Variants in LINGO2 observed in about 807,000 individuals in gnomAD.
The protein encoded by LINGO2 is leucine-rich repeat and immunoglobulin-like domain-containing nogo receptor-interacting protein 2.
In LINGO2, 14 loss-of-function variants were observed where a neutral mutation model predicts 30.6. The observed-to-expected ratio is 0.46, with a 90% CI of 0.30 to 0.72. The LOEUF (loss-of-function observed/expected upper bound fraction) is 0.72. Ranked by LOEUF, LINGO2 falls within the 30% of genes least tolerant of loss-of-function variation. The pLI is 0.07. For synonymous variants in LINGO2, 317 were observed against 288.5 expected, an observed-to-expected ratio of 1.10 and a Z score of -1.00; for missense variants, 729 against 751.7, an observed-to-expected ratio of 0.97 and a Z score of 0.35.
the LINGO2 span, among the ~76,000 whole-genome samples, chr9:28,895,372 A>C: frequency 3.9e-5 from 6 of 152,152 alleles, no homozygotes; most frequent in African/African-American, 1.4e-4. Context: ...AAATGATCAC[A>C]AAAGATTGCA....
At chr9:28,933,913 T>C in the LINGO2 span, among the ~76,000 whole-genome samples, 780 of 152,326 alleles carry the variant, frequency 5.1e-3, 7 homozygotes, top group African/African-American at 0.018. Flanking sequence ...CAATTTATTA[T>C]GGAAGTGTAC....
At chr9:29,179,970 T>C in the LINGO2 span, among the ~76,000 whole-genome samples, 5 of 152,158 alleles carry the variant, frequency 3.3e-5, no homozygotes, top group African/African-American at 1.2e-4. Flanking sequence ...AGGGAGCAAC[T>C]CAGTTAAATA....
intron 5 of LINGO2, among the ~76,000 whole-genome samples, chr9:28,011,233 A>G (rs1467604090): frequency 1.3e-5 from 2 of 152,190 alleles, no homozygotes; most frequent in Non-Finnish European, 2.9e-5. Context: ...GTGACACGAC[A>G]CAAAAAATTG....
At chr9:28,959,645 C>CAGAG in the LINGO2 span, among the ~76,000 whole-genome samples, 888 of 149,950 alleles carry the variant, frequency 5.9e-3, 8 homozygotes, top group Non-Finnish European at 8.6e-3. Context: ...CACACACACA[C>CAGAG]AGAGAACAAT....
chr9:28,016,225 C>T (rs1486546674), intron 4 of LINGO2, among the ~76,000 whole-genome samples: 2 of 152,034 alleles, frequency 1.3e-5, no homozygotes, highest in Middle Eastern at 3.2e-3. Flanking sequence ...ACATTAAAAG[C>T]TGGCAGTAGA....
At chr9:28,963,497 C>T in the LINGO2 span, among the ~76,000 whole-genome samples, 1 of 147,328 alleles carries the variant, frequency 6.8e-6, no homozygotes, top group African/African-American at 2.5e-5. Context: ...ATGGAATCAA[C>T]CTAAGTATAT....
chr9:28,297,007 T>A (rs1312181768), intron 3 of LINGO2, among the ~76,000 whole-genome samples: 1 of 152,188 alleles, frequency 6.6e-6, no homozygotes, highest in Non-Finnish European at 1.5e-5. Context: ...TTTTTTGGTC[T>A]TTTGGCAGCC....
chr9:28,084,604 C>T (rs1266917674), intron 4 of LINGO2, among the ~76,000 whole-genome samples: 2 of 152,056 alleles, frequency 1.3e-5, no homozygotes, highest in African/African-American at 2.4e-5. Context: ...TATGAAGAAG[C>T]TTTGGCTCAT....
chr9:29,008,275 C>A, the LINGO2 span, among the ~76,000 whole-genome samples: 2 of 152,256 alleles, frequency 1.3e-5, no homozygotes, highest in Admixed American at 1.3e-4. Context: ...TTTATGGCTG[C>A]ACAGTATTCC....
intron 4 of LINGO2, among the ~76,000 whole-genome samples, chr9:28,202,494 T>G (rs893902462): frequency 1.3e-5 from 2 of 152,134 alleles, no homozygotes; most frequent in Non-Finnish European, 2.9e-5. Context: ...AAACAAAAGC[T>G]CACTAATTAG....
chr9:28,921,112 C>T, the LINGO2 span, among the ~76,000 whole-genome samples: 3 of 151,956 alleles, frequency 2.0e-5, no homozygotes, highest in Non-Finnish European at 2.9e-5. Flanking sequence ...GCAGCTTTAT[C>T]GTATTTCTAA....
At chr9:27,989,127 A>G (rs1411973504) in intron 5 of LINGO2, among the ~76,000 whole-genome samples, 1 of 151,828 alleles carries the variant, frequency 6.6e-6, no homozygotes, top group Admixed American at 6.6e-5. Context: ...CCACCTTGGG[A>G]AATTTGCAAT....
the LINGO2 span, among the ~76,000 whole-genome samples, chr9:29,213,206 C>T: frequency 6.6e-6 from 1 of 152,198 alleles, no homozygotes; most frequent in African/African-American, 2.4e-5. Context: ...TTCCGTAACC[C>T]CACAGACACG....
chr9:28,237,132 G>T (rs1821601589), intron 4 of LINGO2, among the ~76,000 whole-genome samples: 1 of 139,540 alleles, frequency 7.2e-6, no homozygotes. Flanking sequence ...GGGGGGTAAA[G>T]TTAAATGTAG....
chr9:28,698,009 T>A, the LINGO2 span, among the ~76,000 whole-genome samples: 2 of 152,042 alleles, frequency 1.3e-5, no homozygotes, highest in African/African-American at 4.8e-5. Flanking sequence ...CAAATATTGG[T>A]AATTGGTGAA....
At chr9:28,757,817 G>C in the LINGO2 span, among the ~76,000 whole-genome samples, 8 of 151,958 alleles carry the variant, frequency 5.3e-5, no homozygotes, top group Non-Finnish European at 8.8e-5. Flanking sequence ...AACCTCCCAA[G>C]ACCTCTAAAC....
intron 4 of LINGO2, among the ~76,000 whole-genome samples, chr9:28,254,140 A>C (rs72709333): frequency 0.11 from 17,302 of 152,106 alleles, 1,327 homozygotes; most frequent in East Asian, 0.25. Flanking sequence ...TAACATAATT[A>C]TGTGAATTAA....
At chr9:28,592,398 A>C (rs1824958772) in intron 1 of LINGO2, among the ~76,000 whole-genome samples, 1 of 152,100 alleles carries the variant, frequency 6.6e-6, no homozygotes, top group East Asian at 1.9e-4. Context: ...CAAACCCCAG[A>C]GTTGATTCAG....
chr9:28,686,173 A>C, the LINGO2 span, among the ~76,000 whole-genome samples: 1 of 151,390 alleles, frequency 6.6e-6, no homozygotes, highest in South Asian at 2.1e-4. Context: ...AATATCCTCA[A>C]GCCTTACATC....
Sources: gnomAD v4.1 joint callset for allele counts (sites outside exome capture counted in the v4.1 genomes callset) on GRCh38, gnomAD v4.1.1 for gene constraint, MANE v1.5 for transcripts, NCBI Gene and HGNC (gene_info 2026-07-23, HGNC 2026-07-21) for gene names.